The following STPG2 variants were observed in gnomAD, a reference collection of about 807,000 sequenced individuals.
STPG2 encodes sperm-tail PG-rich repeat-containing protein 2.
Under a neutral mutation model 54.2 loss-of-function variants are expected in STPG2, and 56 were observed. The observed-to-expected ratio is 1.03, with a 90% confidence interval of 0.83 to 1.29. The LOEUF (loss-of-function observed/expected upper bound fraction) is 1.29. STPG2 is among the 50% of genes most tolerant of loss of function. STPG2 has a pLI of 0.00. For synonymous variants in STPG2, 200 were observed against 181.8 expected (o/e 1.10, Z -0.81); for missense variants, 596 against 544.9 (o/e 1.09, Z -0.93).
chr4:97,570,363 T>A (rs1461036463), intron 10 of STPG2, among the ~76,000 whole-genome samples: 1 of 152,100 alleles, frequency 6.6e-6, no homozygotes, highest in East Asian at 1.9e-4. Context: ...TGGCATGATG[T>A]ATACAACTAT....
chr4:97,737,773 C>T (rs1201996300), intron 9 of STPG2, among the ~76,000 whole-genome samples: 27 of 152,138 alleles, frequency 1.8e-4, no homozygotes, highest in Admixed American at 1.8e-3. Context: ...TGGAACCAAG[C>T]TGGAAAACAC....
chr4:97,861,416 C>CTTTGGAGAACAGCTTGGAG (rs1560559262), intron 8 of STPG2, among the ~76,000 whole-genome samples: 1 of 152,130 alleles, frequency 6.6e-6, no homozygotes, highest in Non-Finnish European at 1.5e-5. Context: ...AGTACAACCA[C>CTTTGGAGAACAGCTTGGAG]TTTGGAGAAC....
At chr4:97,872,582 C>T (rs1186553195) in intron 8 of STPG2, among the ~76,000 whole-genome samples, 1 of 151,008 alleles carries the variant, frequency 6.6e-6, no homozygotes, top group Non-Finnish European at 1.5e-5. Flanking sequence ...GGAAAACACA[C>T]ACAAAAATTA....
intron 10 of STPG2, among the ~76,000 whole-genome samples, chr4:97,608,810 A>C (rs576930080): frequency 9.2e-5 from 14 of 152,062 alleles, no homozygotes; most frequent in African/African-American, 2.9e-4. Flanking sequence ...ATTCCTGCAG[A>C]AATGTATTTT....
chr4:97,876,828 ACT>A (rs1396368466), intron 8 of STPG2, among the ~76,000 whole-genome samples: 2 of 151,946 alleles, frequency 1.3e-5, no homozygotes, highest in South Asian at 2.1e-4. Flanking sequence ...CTGCAAAGAG[ACT>A]CTATGTTTTC....
At chr4:97,624,379 G>A (rs1268849781) in intron 10 of STPG2, among the ~76,000 whole-genome samples, 3 of 152,140 alleles carry the variant, frequency 2.0e-5, no homozygotes, top group African/African-American at 7.2e-5. Flanking sequence ...GATCACTGAT[G>A]TTGAGATTTT....
At chr4:97,634,773 G>T (rs1238081206) in intron 10 of STPG2, among the ~76,000 whole-genome samples, 2 of 151,980 alleles carry the variant, frequency 1.3e-5, no homozygotes, top group South Asian at 2.1e-4. Context: ...AATGAAGTGA[G>T]AAGGAAAGTT....
At chr4:97,682,184 G>C (rs1385286516) in intron 10 of STPG2, among the ~76,000 whole-genome samples, 1 of 151,608 alleles carries the variant, frequency 6.6e-6, no homozygotes, top group South Asian at 2.1e-4. Context: ...GCATACAAAA[G>C]ATCTATTAAC....
intron 9 of STPG2, among the ~76,000 whole-genome samples, chr4:97,747,096 C>T (rs925130741): frequency 1.3e-5 from 2 of 151,018 alleles, no homozygotes; most frequent in Admixed American, 6.6e-5. Flanking sequence ...ATAGAACCAA[C>T]CTTAGCTGTA....
At chr4:97,934,445 T>C (rs7694889) in intron 8 of STPG2, among the ~76,000 whole-genome samples, 60,084 of 152,092 alleles carry the variant, frequency 0.4, 12,039 homozygotes, top group Middle Eastern at 0.46. Context: ...TGCCAGTTTT[T>C]AAGGAGAATG....
chr4:98,089,621 A>C (rs1738624416), intron 5 of STPG2, among the ~76,000 whole-genome samples: 4 of 151,952 alleles, frequency 2.6e-5, no homozygotes, highest in Admixed American at 2.6e-4. Flanking sequence ...TTTTTAAGGA[A>C]TATCCACACT....
At chr4:97,565,537 GCT>G (rs1030382023) in intron 10 of STPG2, among the ~76,000 whole-genome samples, 21 of 152,086 alleles carry the variant, frequency 1.4e-4, no homozygotes, top group Non-Finnish European at 2.6e-4. Context: ...CAGTTTTCCT[GCT>G]CTGTTTTTTC....
intron 10 of STPG2, among the ~76,000 whole-genome samples, chr4:97,697,679 C>T (rs898584749): frequency 4.6e-5 from 7 of 152,142 alleles, no homozygotes; most frequent in Non-Finnish European, 8.8e-5. Flanking sequence ...AAACAAAATC[C>T]CTGCAGCACT....
At chr4:97,887,201 C>G (rs1730602708) in intron 8 of STPG2, among the ~76,000 whole-genome samples, 1 of 152,060 alleles carries the variant, frequency 6.6e-6, no homozygotes, top group Non-Finnish European at 1.5e-5. Context: ...AATGTGGAAG[C>G]AACTTTGGAA....
At chr4:97,708,186 C>T (rs1029354119) in intron 10 of STPG2, among the ~76,000 whole-genome samples, 1 of 151,642 alleles carries the variant, frequency 6.6e-6, no homozygotes, top group Non-Finnish European at 1.5e-5. Context: ...ACAACTAAAG[C>T]AATGTGGGAA....
intron 4 of STPG2, among the ~76,000 whole-genome samples, chr4:97,452,638 C>T (rs1251783969): frequency 6.6e-6 from 1 of 152,190 alleles, no homozygotes; most frequent in African/African-American, 2.4e-5. Flanking sequence ...AGATGACCAA[C>T]AGCAGAGAGG....
chr4:97,793,732 T>A (rs1033464091), intron 9 of STPG2, among the ~76,000 whole-genome samples: 3 of 152,026 alleles, frequency 2.0e-5, no homozygotes, highest in Non-Finnish European at 4.4e-5. Context: ...TAAAGCACTG[T>A]TCAGTCAAAG....
chr4:97,929,575 G>T (rs1397594304), intron 8 of STPG2, among the ~76,000 whole-genome samples: 3 of 152,034 alleles, frequency 2.0e-5, no homozygotes, highest in Non-Finnish European at 4.4e-5. Context: ...CTTTCTCACT[G>T]GTGTCAGATG....
chr4:97,667,400 C>A (rs2148966470), intron 10 of STPG2, among the ~76,000 whole-genome samples: 1 of 152,204 alleles, frequency 6.6e-6, no homozygotes, highest in Middle Eastern at 3.4e-3. Context: ...ACAGTAGAAC[C>A]TAGTGCAGTT....
Sources: allele counts gnomAD v4.1 joint callset (sites outside exome capture counted in the v4.1 genomes callset), GRCh38; gene constraint gnomAD v4.1.1; transcripts MANE v1.5; gene names NCBI Gene and HGNC (gene_info 2026-07-23, HGNC 2026-07-21).